HDAC4: variants seen among roughly 807,000 people sequenced by gnomAD.
HDAC4 encodes the protein histone deacetylase 4.
In HDAC4, 16 loss-of-function variants were observed where a neutral mutation model predicts 135.1. The observed-to-expected ratio is 0.12, with a 90% CI of 0.08 to 0.18. The LOEUF (loss-of-function observed/expected upper bound fraction) is 0.18. Ranked by LOEUF, HDAC4 falls within the 10% of genes least tolerant of loss-of-function variation. The probability of loss-of-function intolerance (pLI) is 1.00; values close to 1 mark genes in which losing one functional copy is unlikely to be tolerated. For missense variants in HDAC4, 1,143 were observed against 1,511.8 expected, an observed-to-expected ratio of 0.76 and a Z score of 4.05; for synonymous variants, 685 against 653.4, an observed-to-expected ratio of 1.05 and a Z score of -0.74.
chr2:239,253,711 G>A (rs192397243), intron 2 of HDAC4, among the ~76,000 whole-genome samples: 129 of 152,230 alleles, frequency 8.5e-4, no homozygotes, highest in African/African-American at 3.1e-3. Context: ...TGTAGGCAGA[G>A]TTGAATTCAA....
chr2:239,242,720 G>A (rs6749348), intron 2 of HDAC4, among the ~76,000 whole-genome samples: 23,984 of 152,130 alleles, frequency 0.16, 2,690 homozygotes, highest in East Asian at 0.38. Flanking sequence ...CTGATCTTAC[G>A]AAGGATATTT....
chr2:239,390,973 C>T (rs1367961276), intron 1 of HDAC4, among the ~76,000 whole-genome samples: 1 of 152,196 alleles, frequency 6.6e-6, no homozygotes, highest in East Asian at 1.9e-4. Flanking sequence ...AGTCTCAGGG[C>T]AGCTCCCTCT....
chr2:239,260,846 C>T (rs565081367), intron 2 of HDAC4, among the ~76,000 whole-genome samples: 1 of 152,294 alleles, frequency 6.6e-6, no homozygotes, highest in African/African-American at 2.4e-5. Flanking sequence ...TCTGTCTTTG[C>T]TGGGATGGGG....
chr2:239,173,441 A>G (rs2043574013), intron 5 of HDAC4, among the ~76,000 whole-genome samples: 1 of 152,234 alleles, frequency 6.6e-6, no homozygotes, highest in Non-Finnish European at 1.5e-5. Context: ...ACAGCACCTG[A>G]CAAAAATCAA....
At chr2:239,149,681 C>T (rs2041988714) in intron 7 of HDAC4, among the ~76,000 whole-genome samples, 1 of 152,192 alleles carries the variant, frequency 6.6e-6, no homozygotes, top group Non-Finnish European at 1.5e-5. Context: ...GCACCAGCCA[C>T]CCTCGACTTT....
chr2:239,381,161 G>A (rs1216336738), intron 1 of HDAC4, among the ~76,000 whole-genome samples: 2 of 152,212 alleles, frequency 1.3e-5, no homozygotes, highest in East Asian at 1.9e-4. Context: ...TGCCTCCCGC[G>A]ACCGCCTTCC....
intron 22 of HDAC4, among the ~76,000 whole-genome samples, chr2:239,077,357 A>T (rs1381227903): frequency 6.6e-6 from 1 of 152,146 alleles, no homozygotes; most frequent in East Asian, 1.9e-4. Flanking sequence ...TCCTCCAGAA[A>T]CTTCCTTGGC....
At chr2:239,190,799 T>C (rs903390872) in intron 3 of HDAC4, among the ~76,000 whole-genome samples, 1 of 152,224 alleles carries the variant, frequency 6.6e-6, no homozygotes, top group African/African-American at 2.4e-5. Flanking sequence ...CAAGTAATTT[T>C]GATGAGGAAC....
intron 2 of HDAC4, among the ~76,000 whole-genome samples, chr2:239,282,694 A>C (rs2050869780): frequency 7.0e-6 from 1 of 142,550 alleles, no homozygotes; most frequent in African/African-American, 3.0e-5. Context: ...TCTACAATGT[A>C]CACACCACTC....
chr2:239,368,373 C>T (rs939894985), intron 1 of HDAC4, among the ~76,000 whole-genome samples: 2 of 152,192 alleles, frequency 1.3e-5, no homozygotes, highest in Non-Finnish European at 2.9e-5. Context: ...CTGAAATGCA[C>T]CGTCCAAAGC....
rs375065511 is a variant in HDAC4, at chr2:239,301,154, G to C, written c.22+51524C>G. ...CAGCACCCCTCATGCCCCTCATGGA[G>C]CCAGCCGGGCACCACCCCCTTACTC... On this transcript the variant is annotated intron_variant, in intron 2 of 26. Coordinates refer to ENST00000543185, the MANE Select transcript of HDAC4 (RefSeq NM_001378414.1). Among the ~76,000 whole-genome samples, 8 of 152,202 alleles carry C rather than the reference G, an allele frequency of 5.3e-5. No individual in the cohort carries two copies. The East Asian group carries it at 1.5e-3, about 29-fold the overall frequency.
At chr2:239,269,832 A>G (rs2049961889) in intron 2 of HDAC4, among the ~76,000 whole-genome samples, 1 of 152,218 alleles carries the variant, frequency 6.6e-6, no homozygotes, top group Non-Finnish European at 1.5e-5. Context: ...CTGTCCACAC[A>G]CAACAGTATA....
At chr2:239,180,219 C>T (rs1026553905) in intron 4 of HDAC4, among the ~76,000 whole-genome samples, 1 of 152,158 alleles carries the variant, frequency 6.6e-6, no homozygotes, top group Non-Finnish European at 1.5e-5. Flanking sequence ...GCTCAGCCCC[C>T]GGGCACCCAG....
chr2:239,353,242 T>C (rs990013840), intron 1 of HDAC4, among the ~76,000 whole-genome samples: 2 of 152,188 alleles, frequency 1.3e-5, no homozygotes, highest in Non-Finnish European at 2.9e-5. Flanking sequence ...CTCAAACTCC[T>C]GACCTCAAGT....
intron 1 of HDAC4, among the ~76,000 whole-genome samples, chr2:239,381,785 C>T (rs575919905): frequency 1.1e-4 from 16 of 152,342 alleles, no homozygotes; most frequent in Admixed American, 3.3e-4. Flanking sequence ...GCCAGTACCA[C>T]GCCCCCAGAT....
At chr2:239,058,611 G>C (rs2032219739) in intron 24 of HDAC4, among the ~76,000 whole-genome samples, 1 of 152,224 alleles carries the variant, frequency 6.6e-6, no homozygotes, top group Non-Finnish European at 1.5e-5. Flanking sequence ...AAAGATGTAA[G>C]GGAAAGGCCA....
intron 1 of HDAC4, among the ~76,000 whole-genome samples, chr2:239,376,276 C>G (rs1030241228): frequency 6.6e-6 from 1 of 151,378 alleles, no homozygotes; most frequent in African/African-American, 2.4e-5. Flanking sequence ...TGCTCACAAC[C>G]CTCCACCATC....
At chr2:239,142,506 C>T (rs1363751392) in intron 8 of HDAC4, among the ~76,000 whole-genome samples, 1 of 152,258 alleles carries the variant, frequency 6.6e-6, no homozygotes, top group African/African-American at 2.4e-5. Context: ...GCAAATGCCA[C>T]CTTCTGCAGA....
At position 239,115,362 on chromosome 2, in the gene HDAC4, C is replaced by T; in HGVS notation, c.1534-52G>A. Reference sequence around the variant, plus strand: ...CACAGAGAGCTGGGTCCTCTGAGCTCATCTGACAGGAGAAGGGATGCTGCA... The same window carrying T: ...CACAGAGAGCTGGGTCCTCTGAGCTTATCTGACAGGAGAAGGGATGCTGCA... On this transcript the variant is annotated intron_variant, in intron 12 of 26. Transcript: ENST00000543185. The surrounding 1 kb of genome is among the most constrained non-coding windows in gnomAD (Gnocchi z 6.3). 6.2e-7 allele frequency: 1 copy of T among 1,606,480 alleles called. No individual in the cohort carries two copies. Among genetic ancestry groups the T allele is most frequent in the South Asian group, 1.1e-5 (1 of 90,734 alleles).
Sources: gnomAD v4.1 joint callset for allele counts (sites outside exome capture counted in the v4.1 genomes callset) on GRCh38, gnomAD v4.1.1 for gene constraint, Gnocchi (gnomAD v3.1) non-coding constraint, MANE v1.5 for transcripts, NCBI Gene and HGNC (gene_info 2026-07-23, HGNC 2026-07-21) for gene names.